The following PCDH11X variants were observed in gnomAD, a reference collection of about 807,000 sequenced individuals.
The protein encoded by PCDH11X is protocadherin 11 X-linked, also known as protocadherin-11 X-linked.
PCDH11X carries 18 observed loss-of-function variants against 53.3 expected under a neutral mutation model. The observed-to-expected ratio is 0.34, with a 90% CI of 0.23 to 0.50. The LOEUF (loss-of-function observed/expected upper bound fraction) is 0.50. Among genes scored for constraint, PCDH11X ranks in the 20% least tolerant of loss-of-function variants. The pLI, the probability that PCDH11X is intolerant of heterozygous loss-of-function variation, is 0.98. For synonymous variants in PCDH11X, 279 were observed against 393.3 expected, an observed-to-expected ratio of 0.71 and a Z score of 3.44; for missense variants, 570 against 1,032.4, an observed-to-expected ratio of 0.55 and a Z score of 6.14.
intron 6 of PCDH11X, among the ~76,000 whole-genome samples, chrX:91,965,564 G>T (rs2061851202): frequency 9.4e-6 from 1 of 106,534 alleles, no homozygotes; most frequent in Non-Finnish European, 1.9e-5. Flanking sequence ...AATTTATAGA[G>T]GAGGGACCAA....
At chrX:92,181,615 C>G in intron 6 of PCDH11X, among the ~76,000 whole-genome samples, 1 of 111,824 alleles carries the variant, frequency 8.9e-6, no homozygotes, top group East Asian at 2.9e-4. Flanking sequence ...GCCCAGAGTC[C>G]CTCTGCTATG....
At chrX:92,554,625 T>A (rs941859631) in intron 10 of PCDH11X, among the ~76,000 whole-genome samples, 2 of 109,525 alleles carry the variant, frequency 1.8e-5, no homozygotes, top group Non-Finnish European at 3.8e-5. Context: ...TAAATTGATA[T>A]ATTATTAATT....
intron 10 of PCDH11X, among the ~76,000 whole-genome samples, chrX:92,479,128 T>G (rs1478481688): frequency 8.9e-6 from 1 of 112,110 alleles, no homozygotes; most frequent in Non-Finnish European, 1.9e-5. Context: ...CATCTTTGTC[T>G]TTTTTCTATA....
chrX:92,295,537 A>C (rs1206377579), intron 8 of PCDH11X, among the ~76,000 whole-genome samples: 11 of 110,019 alleles, frequency 1.0e-4, no homozygotes, highest in Non-Finnish European at 2.1e-4. Flanking sequence ...CCTCCAGTGC[A>C]ACACGTTAGA....
chrX:92,622,563 C>T lies in PCDH11X; in HGVS notation c.*3623C>T, dbSNP rs1928588486. On this transcript the variant is annotated 3_prime_UTR_variant, in exon 11 of 11. Coordinates refer to ENST00000682573, the MANE Select transcript of PCDH11X (RefSeq NM_032968.5). The stretch of plus-strand genomic sequence containing the variant: ...TTCTTCTTTTATATTTTTTGGAAAC[C>T]AAATTTATAGTTAGTTTAGGTAAAC... 9.2e-6 allele frequency: 1 copy of T among 108,759 alleles called. No homozygotes were observed. Among genetic ancestry groups the T allele is most frequent in the Admixed American group, 9.9e-5 (1 of 10,095 alleles). 9.0% of individuals were successfully genotyped at this position (108,759 alleles called of 1,213,427 possible).
At chrX:92,024,876 C>A (rs1475208417) in intron 6 of PCDH11X, among the ~76,000 whole-genome samples, 3 of 109,340 alleles carry the variant, frequency 2.7e-5, no homozygotes, top group Admixed American at 9.9e-5. Flanking sequence ...ACATCTACAA[C>A]CATCTGATCT....
intron 10 of PCDH11X, among the ~76,000 whole-genome samples, chrX:92,553,202 G>A (rs1200775509): frequency 1.3e-5 from 1 of 78,199 alleles, no homozygotes; most frequent in African/African-American, 4.4e-5. Flanking sequence ...GTCGGGTCTC[G>A]GGCTTTTTTA....
At chrX:92,225,651 A>G (rs1029994502) in intron 7 of PCDH11X, among the ~76,000 whole-genome samples, 2 of 111,296 alleles carry the variant, frequency 1.8e-5, no homozygotes, top group Admixed American at 1.9e-4. Context: ...AGAATGGTGA[A>G]GATGGGGTTA....
chrX:92,196,992 A>G (rs763820244), intron 6 of PCDH11X, among the ~76,000 whole-genome samples: 1 of 111,628 alleles, frequency 9.0e-6, no homozygotes, highest in Non-Finnish European at 1.9e-5. Flanking sequence ...TATTATAGTA[A>G]CTCAGTATCA....
At chrX:92,319,484 C>A (rs957366050) in intron 8 of PCDH11X, among the ~76,000 whole-genome samples, 1 of 111,767 alleles carries the variant, frequency 8.9e-6, no homozygotes, top group African/African-American at 3.3e-5. Context: ...GAGACCACGG[C>A]CGTAGAATTA....
intron 9 of PCDH11X, among the ~76,000 whole-genome samples, chrX:92,444,943 T>C (rs1188283825): frequency 1.0e-5 from 1 of 96,204 alleles, no homozygotes; most frequent in Non-Finnish European, 2.1e-5. Context: ...TTTGATGTGC[T>C]GTCAGATTCC....
In PCDH11X at chrX:92,621,576, C is replaced by G. The variant is rs1198132278; in HGVS notation, c.*2636C>G. 1 of 110,928 alleles carries G rather than the reference C, an allele frequency of 9.0e-6. No homozygotes were observed. Among genetic ancestry groups the G allele is most frequent in the African/African-American group, 3.3e-5 (1 of 30,431 alleles). The allele number at this position is 110,928 out of a possible 1,213,427, so 9.1% of individuals were successfully genotyped here. A position where few individuals can be genotyped will look rare whatever the true frequency, so the allele number is the denominator to read the frequency against. On this transcript the variant is annotated 3_prime_UTR_variant, in exon 11 of 11. Transcript: ENST00000682573. ...GCCCAGTTATTCTCCCCTATGCCTT[C>G]CTTCTCTTTCTAAGCGTCCACTAGG...
At chrX:92,262,836 A>G (rs2067746585) in intron 7 of PCDH11X, among the ~76,000 whole-genome samples, 1 of 111,256 alleles carries the variant, frequency 9.0e-6, no homozygotes, top group South Asian at 3.7e-4. Flanking sequence ...AGCTAAGCAT[A>G]TATTTTTTGT....
chrX:91,931,433 G>T (rs1389246132), intron 6 of PCDH11X, among the ~76,000 whole-genome samples: 1 of 110,694 alleles, frequency 9.0e-6, no homozygotes, highest in Non-Finnish European at 1.9e-5. Context: ...TTAGAAGACA[G>T]CATTTTCTAA....
At chrX:92,314,129 C>G (rs1342725744) in intron 8 of PCDH11X, among the ~76,000 whole-genome samples, 10 of 112,421 alleles carry the variant, frequency 8.9e-5, no homozygotes, top group Non-Finnish European at 1.9e-4. Flanking sequence ...TTTGTAATAA[C>G]ACTTAGTTTA....
chrX:92,584,489 C>T (rs1161150870), intron 10 of PCDH11X, among the ~76,000 whole-genome samples: 1 of 110,742 alleles, frequency 9.0e-6, no homozygotes, highest in Non-Finnish European at 1.9e-5. Context: ...CAACTTTTTC[C>T]CAAAGAAATT....
At chrX:92,261,743 C>A (rs1392533980) in intron 7 of PCDH11X, among the ~76,000 whole-genome samples, 1 of 111,630 alleles carries the variant, frequency 9.0e-6, no homozygotes, top group African/African-American at 3.2e-5. Context: ...GAGATTATTT[C>A]TTTTGGAAAG....
chrX:92,152,785 ATGTATG>A (rs1337064858), intron 6 of PCDH11X, among the ~76,000 whole-genome samples: 39 of 104,924 alleles, frequency 3.7e-4, no homozygotes, highest in African/African-American at 1.2e-3. Context: ...GTATGTATGT[ATGTATG>A]TATGTATTTA....
chrX:92,031,391 C>T (rs755350473), intron 6 of PCDH11X, among the ~76,000 whole-genome samples: 26 of 106,840 alleles, frequency 2.4e-4, no homozygotes, highest in African/African-American at 9.1e-4. Context: ...AATCCTTTAT[C>T]AGATGTGTAG....
Sources: allele counts gnomAD v4.1 joint callset (sites outside exome capture counted in the v4.1 genomes callset), GRCh38; gene constraint gnomAD v4.1.1; transcripts MANE v1.5; gene names NCBI Gene and HGNC (gene_info 2026-07-23, HGNC 2026-07-21).